The following ZNF549 variants were observed in gnomAD, a reference collection of about 807,000 sequenced individuals.
ZNF549 encodes the protein zinc finger protein 549.
A neutral mutation model predicts 11.1 loss-of-function variants in ZNF549; 11 were observed. That is an observed-to-expected ratio of 0.99 (90% confidence interval 0.62 to 1.64). The LOEUF (loss-of-function observed/expected upper bound fraction) is 1.64. ZNF549 is among the 40% of genes most tolerant of loss of function. The pLI is 0.00. For synonymous variants in ZNF549, 266 were observed against 269.1 expected (o/e 0.99, Z 0.11); for missense variants, 748 against 765.1 (o/e 0.98, Z 0.26).
chr19:57,538,249 G>A lies in ZNF549; in HGVS notation c.1245G>A (p.Arg415=), dbSNP rs2089936604. ...LDHHRIHTGE[R]PYECKECGKA... ...ACCATAGAATCCACACGGGAGAAAG[G>A]CCTTATGAGTGCAAAGAATGTGGGA... The change falls in exon 4 of 4, where the codon AGG becomes AGA. Residue 415 remains arginine (R), a synonymous_variant. Coordinates refer to ENST00000376233, the MANE Select transcript of ZNF549 (RefSeq NM_001199295.2). 2 of 1,613,886 alleles carry A rather than the reference G, an allele frequency of 1.2e-6. No homozygotes were observed. The highest frequency in any genetic ancestry group is 1.3e-5 in the African/African-American group (1 of 74,930).
Position 57,539,218 on chromosome 19 carries a change from A to T in ZNF549, c.*291A>T, listed in dbSNP as rs2089943970. The T allele has an allele frequency of 1.6e-5, 5 of 310,970 alleles. No homozygotes were observed. The highest frequency in any genetic ancestry group is 1.0e-4 in the African/African-American group (5 of 47,642). 19.3% of individuals were successfully genotyped at this position (310,970 alleles called of 1,614,324 possible). A position where few individuals can be genotyped will look rare whatever the true frequency, so the allele number is the denominator to read the frequency against. ...TGCTTACCAAATTCTGAAGGGAATA[A>T]TATAATAAAAGCCTGTTGAGGGTCC... is the stretch of plus-strand genomic sequence containing the variant. On this transcript the variant is annotated 3_prime_UTR_variant, in exon 4 of 4. Coordinates refer to ENST00000376233, the MANE Select transcript of ZNF549 (RefSeq NM_001199295.2).
At chr19:57,537,099 A>G in intron 3 of ZNF549, 105 bp from the exon 4 acceptor site, 1 of 1,367,086 alleles carries the variant, frequency 7.3e-7, no homozygotes, top group Non-Finnish European at 9.9e-7. Context: ...ATCTCAAAGA[A>G]AAACCATGGA....
intron 1 of ZNF549, among the ~76,000 whole-genome samples, chr19:57,530,143 G>C (rs1006897228): frequency 1.3e-5 from 2 of 152,180 alleles, no homozygotes; most frequent in Non-Finnish European, 1.5e-5. Flanking sequence ...GGAGTCTCTA[G>C]ATAGCCTCAG....
chr19:57,531,791 C>T (rs893158380), intron 2 of ZNF549, among the ~76,000 whole-genome samples: 10 of 152,136 alleles, frequency 6.6e-5, no homozygotes, highest in African/African-American at 2.4e-4. Flanking sequence ...GGCAGAACAG[C>T]GTGGGACAGT....
In ZNF549 at chr19:57,531,123, T is replaced by A; in HGVS notation, c.72+15T>A. ...AACCATCACAGGTAAGTGGAAGAAG[T>A]CCCAGGTCTTCACTGGCCCTGTTCC... On this transcript the variant is annotated intron_variant, in intron 2 of 3. Coordinates refer to ENST00000376233, the MANE Select transcript of ZNF549 (RefSeq NM_001199295.2). 1 of 1,598,190 alleles carries A rather than the reference T, an allele frequency of 6.3e-7. No homozygotes were observed. The highest frequency in any genetic ancestry group is 1.3e-5 in the African/African-American group (1 of 75,002).
rs2089949208 is a variant in ZNF549, at chr19:57,540,207, C to T, written c.*1280C>T. The T allele has an allele frequency of 1.3e-5, 2 of 152,228 alleles. No individual in the cohort carries two copies. Among genetic ancestry groups the T allele is most frequent in the South Asian group, 4.1e-4 (2 of 4,830 alleles). 9.4% of individuals were successfully genotyped at this position (152,228 alleles called of 1,614,324 possible). ...CTTTATTACTTCCCGTTTATTGCCA[C>T]TGCTGAGAAGGCTGTCCTTCCTAAC... is the stretch of plus-strand genomic sequence containing the variant. On this transcript the variant is annotated 3_prime_UTR_variant, in exon 4 of 4. Transcript: ENST00000376233.
chr19:57,536,153 A>G lies in ZNF549; in HGVS notation c.199+883A>G, dbSNP rs544902472. On this transcript the variant is annotated intron_variant, in intron 3 of 3. Transcript: ENST00000376233. ...CTGCAGTGTTCTCCAACATTAGCCT[A>G]TACCTAATGTATTTAATATTATGAG... Among the ~76,000 whole-genome samples, 19 of 152,264 alleles carry G rather than the reference A, an allele frequency of 1.2e-4. No individual in the cohort carries two copies. In the East Asian group the frequency reaches 3.7e-3, roughly 29 times the overall value.
At chr19:57,534,383 G>T (rs2089915657) in intron 2 of ZNF549, among the ~76,000 whole-genome samples, 1 of 152,196 alleles carries the variant, frequency 6.6e-6, no homozygotes, top group African/African-American at 2.4e-5. Context: ...TGCTGGCTCA[G>T]ACTTTTGTTG....
intron 2 of ZNF549, among the ~76,000 whole-genome samples, chr19:57,531,774 C>T (rs1007226043): frequency 3.9e-5 from 6 of 152,222 alleles, no homozygotes; most frequent in Admixed American, 1.3e-4. Flanking sequence ...GGATGATTCA[C>T]GTCTTGGGCA....
intron 1 of ZNF549, among the ~76,000 whole-genome samples, chr19:57,529,536 C>T (rs1415941122): frequency 1.3e-5 from 2 of 152,170 alleles, no homozygotes; most frequent in African/African-American, 4.8e-5. Context: ...ACTATTCACC[C>T]TTGTGATGAA....
At chr19:57,528,231 A>G (rs559610877) in intron 1 of ZNF549, among the ~76,000 whole-genome samples, 22 of 152,316 alleles carry the variant, frequency 1.4e-4, no homozygotes, top group African/African-American at 5.1e-4. Flanking sequence ...GTGAAGTATG[A>G]TCCCAAGTTT....
intron 1 of ZNF549, among the ~76,000 whole-genome samples, chr19:57,527,827 G>A (rs1035765897): frequency 6.6e-6 from 1 of 152,158 alleles, no homozygotes; most frequent in South Asian, 2.1e-4. Context: ...CGAGCATTCG[G>A]AAACTTGGGG....
chr19:57,531,223 C>T (rs1355490944), intron 2 of ZNF549, 115 bp downstream of exon 2: 8 of 1,038,182 alleles, frequency 7.7e-6, no homozygotes, highest in East Asian at 2.4e-5. Context: ...ATCTTGGGTC[C>T]CTGGGGCCAC....
Position 57,535,210 on chromosome 19 carries a change from G to A in ZNF549, c.139G>A (p.Ala47Thr), listed in dbSNP as rs917000699. ...SQEEWGLLDE[A>T]QRCLYHDVML... Reference sequence around the variant, plus strand: ...GGAGGAGTGGGGCCTCCTTGATGAAGCTCAAAGGTGCCTGTATCATGATGT... The same window carrying A: ...GGAGGAGTGGGGCCTCCTTGATGAAACTCAAAGGTGCCTGTATCATGATGT... The change falls in exon 3 of 4, where the codon GCT becomes ACT. Residue 47 changes from alanine to threonine, a missense_variant. Transcript: ENST00000376233. 1.2e-6 allele frequency: 2 copies of A among 1,614,008 alleles called. No individual in the cohort carries two copies. Among genetic ancestry groups the A allele is most frequent in the African/African-American group, 2.7e-5 (2 of 74,922 alleles).
Position 57,538,134 on chromosome 19 carries a change from T to C in ZNF549, c.1130T>C (p.Ile377Thr), listed in dbSNP as rs1243862609. ...GKSFIHSYDR[I>T]RHQRVHTGEG... ...TCTTTTATTCATTCCTATGACCGCA[T>C]TCGACACCAGAGAGTTCACACTGGA... The change falls in exon 4 of 4, where the codon ATT becomes ACT. Residue 377 changes from isoleucine (I) to threonine (T), a missense_variant. Ile to Thr is a moderately conservative substitution (Grantham distance 89). Coordinates refer to ENST00000376233, the MANE Select transcript of ZNF549 (RefSeq NM_001199295.2). The C allele has an allele frequency of 1.2e-6, 2 of 1,614,182 alleles. No individual in the cohort carries two copies. Among genetic ancestry groups the C allele is most frequent in the Non-Finnish European group, 1.7e-6 (2 of 1,180,030 alleles).
At chr19:57,528,883 G>GT (rs368646349) in intron 1 of ZNF549, among the ~76,000 whole-genome samples, 70 of 152,122 alleles carry the variant, frequency 4.6e-4, no homozygotes, top group African/African-American at 1.6e-3. Flanking sequence ...ATAAATGTTT[G>GT]TTTTTTGTCA....
chr19:57,531,704 G>A (rs1357740951), intron 2 of ZNF549, among the ~76,000 whole-genome samples: 1 of 152,178 alleles, frequency 6.6e-6, no homozygotes, highest in East Asian at 1.9e-4. Context: ...TGATAACCAA[G>A]ATGGCCACAT....
At chr19:57,531,233 CCT>C in intron 2 of ZNF549, 125 bp downstream of exon 2, 1 of 921,012 alleles carries the variant, frequency 1.1e-6, no homozygotes, top group Non-Finnish European at 1.7e-6. Flanking sequence ...CCTGGGGCCA[CCT>C]CAGGCCCAGG....
In ZNF549 at chr19:57,527,362, G is replaced by A. The variant is rs1372989458; in HGVS notation, c.-212G>A. 3.1e-6 allele frequency: 2 copies of A among 640,658 alleles called. No individual in the cohort carries two copies. Among genetic ancestry groups the A allele is most frequent in the African/African-American group, 3.7e-5 (2 of 53,882 alleles). 39.7% of individuals were successfully genotyped at this position (640,658 alleles called of 1,614,324 possible). Reference sequence around the variant, plus strand: ...CGTCTTTCCGGTGGTGGTCGTTTTTGCTGCCTGCGAGCGCGTCCGCGGGCT... The same window carrying A: ...CGTCTTTCCGGTGGTGGTCGTTTTTACTGCCTGCGAGCGCGTCCGCGGGCT... On this transcript the variant is annotated 5_prime_UTR_variant, in exon 1 of 4. Transcript: ENST00000376233.
Sources: gnomAD v4.1 joint callset for allele counts (sites outside exome capture counted in the v4.1 genomes callset) on GRCh38, gnomAD v4.1.1 for gene constraint, MANE v1.5 for transcripts, NCBI Gene and HGNC (gene_info 2026-07-23, HGNC 2026-07-21) for gene names.